The following PCDH15 variants were observed in gnomAD, a reference collection of about 807,000 sequenced individuals.
The protein encoded by PCDH15 is protocadherin related 15.
In PCDH15, 129 loss-of-function variants were observed where a neutral mutation model predicts 178.5. That is an observed-to-expected ratio of 0.72 (90% CI 0.63 to 0.84). The LOEUF (loss-of-function observed/expected upper bound fraction) is 0.84, where lower values mean the gene tolerates loss of function less well. Ranked by LOEUF, PCDH15 falls within the 40% of genes least tolerant of loss-of-function variation. The pLI, the probability that PCDH15 is intolerant of heterozygous loss-of-function variation, is 0.00. For synonymous variants in PCDH15, 800 were observed against 732.0 expected, an observed-to-expected ratio of 1.09 and a Z score of -1.50; for missense variants, 2,230 against 2,099.9, an observed-to-expected ratio of 1.06 and a Z score of -1.21.
chr10:54,226,253 A>AAG (rs749793824), intron 9 of PCDH15, among the ~76,000 whole-genome samples: 2 of 152,076 alleles, frequency 1.3e-5, no homozygotes, highest in Non-Finnish European at 1.5e-5. Context: ...GCAGCAGGCA[A>AAG]AGAGAGAGAG....
intron 14 of PCDH15, among the ~76,000 whole-genome samples, chr10:54,142,653 G>T (rs1249194907): frequency 6.6e-6 from 1 of 152,050 alleles, no homozygotes; most frequent in Non-Finnish European, 1.5e-5. Flanking sequence ...AATCGTAAAA[G>T]GCTATAAGAA....
intron 1 of PCDH15, among the ~76,000 whole-genome samples, chr10:54,758,482 G>A (rs1206797795): frequency 6.6e-6 from 1 of 152,142 alleles, no homozygotes; most frequent in Non-Finnish European, 1.5e-5. Context: ...TTACAGTGTT[G>A]TAAATGTATG....
intron 3 of PCDH15, among the ~76,000 whole-genome samples, chr10:54,387,338 A>G (rs1033529419): frequency 9.2e-5 from 14 of 152,170 alleles, no homozygotes; most frequent in African/African-American, 3.4e-4. Context: ...GCATCCATCC[A>G]TGGATAAATC....
chr10:53,920,130 G>A (rs992788307), intron 25 of PCDH15, among the ~76,000 whole-genome samples: 3 of 152,074 alleles, frequency 2.0e-5, no homozygotes, highest in African/African-American at 7.2e-5. Context: ...TTTCTATAAA[G>A]TTGAGGACTT....
chr10:55,600,590 C>A (rs1056635270), intron 2 of PCDH15, among the ~76,000 whole-genome samples: 1 of 151,974 alleles, frequency 6.6e-6, no homozygotes, highest in Non-Finnish European at 1.5e-5. Context: ...ATGGTGTAGC[C>A]GCTATTAAGG....
intron 2 of PCDH15, among the ~76,000 whole-genome samples, chr10:55,493,965 A>G (rs1388792619): frequency 6.6e-6 from 1 of 151,870 alleles, no homozygotes; most frequent in African/African-American, 2.4e-5. Context: ...TGATTTTCAT[A>G]TTTGACAAGA....
At chr10:54,476,311 G>C (rs2078268070) in intron 3 of PCDH15, among the ~76,000 whole-genome samples, 1 of 151,940 alleles carries the variant, frequency 6.6e-6, no homozygotes, top group Admixed American at 6.6e-5. Flanking sequence ...CAGATAAATA[G>C]AAAGTACCAT....
rs1168545323 is a variant in PCDH15 at position 54,781,335 on chromosome 10, G to A, written c.-29+19590C>T. ...CCCCTAGCCCACCATCCCCCGACAGGCCCTAAGTCAAATATATTTTATATG... is the reference window on the plus strand; with the variant it reads ...CCCCTAGCCCACCATCCCCCGACAGACCCTAAGTCAAATATATTTTATATG... On this transcript the variant is annotated intron_variant, in intron 1 of 37. Transcript: ENST00000644397. Among the ~76,000 whole-genome samples, 2 of 151,698 alleles carry A rather than the reference G, an allele frequency of 1.3e-5. 1 individual carries two copies. The highest frequency in any genetic ancestry group is 2.9e-5 in the Non-Finnish European group (2 of 67,948).
chr10:54,559,574 C>T (rs2087779590), intron 2 of PCDH15, among the ~76,000 whole-genome samples: 1 of 151,846 alleles, frequency 6.6e-6, no homozygotes, highest in African/African-American at 2.4e-5. Context: ...TATTCTGAAT[C>T]CTCTTACAGG....
intron 2 of PCDH15, among the ~76,000 whole-genome samples, chr10:54,903,466 A>G (rs1348319180): frequency 4.6e-5 from 7 of 152,170 alleles, no homozygotes; most frequent in Non-Finnish European, 8.8e-5. Flanking sequence ...GTTCCCCATT[A>G]GAATGTTCCC....
In PCDH15 at chr10:55,173,564, G is replaced by T. The variant is rs556181701; in HGVS notation, c.-155-6913C>A. 4.6e-5 allele frequency among the ~76,000 whole-genome samples: 7 copies of T among 151,892 alleles called. No individual in the cohort carries two copies. The South Asian group carries it at 1.5e-3, about 32-fold the overall frequency. ...TGTGGTTGAAAGCTTTAATGCATTT[G>T]CTTTTCTTAAAATTATCAACTTTCT... On this transcript the variant is annotated intron_variant, in intron 1 of 5. Transcript: ENST00000458638.
intron 2 of PCDH15, among the ~76,000 whole-genome samples, chr10:55,544,576 G>A (rs1841838012): frequency 6.6e-6 from 1 of 151,982 alleles, no homozygotes; most frequent in Non-Finnish European, 1.5e-5. Context: ...CTTACTGTTA[G>A]GGAGAAGATT....
intron 2 of PCDH15, among the ~76,000 whole-genome samples, chr10:55,562,993 G>T (rs539546324): frequency 6.6e-6 from 1 of 151,898 alleles, no homozygotes; most frequent in Non-Finnish European, 1.5e-5. Context: ...AATTTCAGCC[G>T]TTAGCTTAGG....
chr10:54,254,910 C>T (rs376156212), intron 8 of PCDH15, among the ~76,000 whole-genome samples: 3,431 of 83,976 alleles, frequency 0.041, 54 homozygotes, highest in South Asian at 0.11. Context: ...AGAATTTCAA[C>T]GTAATTTTTT....
intron 2 of PCDH15, among the ~76,000 whole-genome samples, chr10:55,595,995 A>T (rs1298695182): frequency 2.0e-5 from 3 of 152,090 alleles, no homozygotes; most frequent in African/African-American, 7.2e-5. Flanking sequence ...TACTTGCATA[A>T]TCAACAGACA....
chr10:53,990,527 C>CTATATATGTTT (rs1554898258), intron 21 of PCDH15, among the ~76,000 whole-genome samples: 2 of 84,882 alleles, frequency 2.4e-5, no homozygotes, highest in Non-Finnish European at 4.9e-5. Context: ...TATATATGTT[C>CTATATATGTTT]TATATATGTT....
chr10:54,901,939 G>T (rs866933587), intron 2 of PCDH15, among the ~76,000 whole-genome samples: 65 of 151,834 alleles, frequency 4.3e-4, no homozygotes, highest in African/African-American at 1.5e-3. Flanking sequence ...GCATCTGAAG[G>T]TCTTCTATAT....
chr10:54,370,196 A>T (rs1947444435), intron 4 of PCDH15, among the ~76,000 whole-genome samples: 1 of 151,974 alleles, frequency 6.6e-6, no homozygotes, highest in East Asian at 1.9e-4. Flanking sequence ...GAGTCAGAGT[A>T]TTGACCACTA....
chr10:55,550,503 C>G (rs1455271856), intron 2 of PCDH15, among the ~76,000 whole-genome samples: 1 of 151,844 alleles, frequency 6.6e-6, no homozygotes, highest in Non-Finnish European at 1.5e-5. Flanking sequence ...CCCTTGAGCA[C>G]GAAGGTCTGT....
Sources: gnomAD v4.1 joint callset for allele counts (sites outside exome capture counted in the v4.1 genomes callset) on GRCh38, gnomAD v4.1.1 for gene constraint, MANE v1.5 for transcripts, NCBI Gene and HGNC (gene_info 2026-07-23, HGNC 2026-07-21) for gene names.